Variants in TRIO observed in about 807,000 individuals in gnomAD.
TRIO encodes trio Rho guanine nucleotide exchange factor.
In TRIO, 58 loss-of-function variants were observed where a neutral mutation model predicts 351.9. That is an observed-to-expected ratio of 0.16 (90% CI 0.13 to 0.21). The LOEUF (loss-of-function observed/expected upper bound fraction) is 0.21. TRIO is among the 10% of genes least tolerant of loss of function. The pLI is 1.00. For synonymous variants in TRIO, 1,758 were observed against 1,595.7 expected (o/e 1.10, Z -2.42); for missense variants, 3,201 against 4,027.8 (o/e 0.79, Z 5.56).
chr5:14,462,523 G>A (rs1246540918), intron 35 of TRIO, among the ~76,000 whole-genome samples: 2 of 152,210 alleles, frequency 1.3e-5, no homozygotes, highest in East Asian at 3.8e-4. Context: ...CACATTGGCA[G>A]TCCCTTTATA....
chr5:14,250,873 T>C (rs560910305), intron 1 of TRIO, among the ~76,000 whole-genome samples: 48 of 152,302 alleles, frequency 3.2e-4, no homozygotes, highest in East Asian at 3.9e-4. Flanking sequence ...ATTTTCTCAC[T>C]GAATTCTCCA....
At chr5:14,180,723 A>G (rs868373332) in intron 1 of TRIO, among the ~76,000 whole-genome samples, 1 of 152,126 alleles carries the variant, frequency 6.6e-6, no homozygotes, top group Admixed American at 6.6e-5. Context: ...CTAGCTACTC[A>G]GGAGGCTGAG....
chr5:14,303,849 G>A (rs1262575662), intron 7 of TRIO, among the ~76,000 whole-genome samples: 2 of 152,216 alleles, frequency 1.3e-5, no homozygotes, highest in Non-Finnish European at 2.9e-5. Flanking sequence ...AAGATTCACA[G>A]AGAAGTTCAG....
intron 1 of TRIO, among the ~76,000 whole-genome samples, chr5:14,236,185 C>T (rs971233739): frequency 1.3e-5 from 2 of 152,064 alleles, no homozygotes; most frequent in African/African-American, 4.8e-5. Flanking sequence ...CCCACCCCAC[C>T]CCCAGAACAT....
At position 14,461,233 on chromosome 5, in the gene TRIO, C is replaced by T. The variant is rs1383216286; in HGVS notation, c.5418C>T (p.Val1806=). The T allele has an allele frequency of 5.7e-6, 9 of 1,585,592 alleles. No homozygotes were observed. The highest frequency in any genetic ancestry group is 4.3e-6 in the Non-Finnish European group (5 of 1,167,146). ...LAHKHKKSRE[V]RKSADAGSQK... is the part of the protein sequence containing the mutation. ...ACAAGCACAAGAAGAGCCGCGAGGT[C>T]CGCAAGAGCGCCGACGCCGGCTCGC... Residue 1806 remains valine, a synonymous_variant, in exon 35 of 57, where the codon GTC becomes GTT. Coordinates refer to ENST00000344204, the MANE Select transcript of TRIO (RefSeq NM_007118.4).
At chr5:14,467,387 C>T (rs539614757) in intron 37 of TRIO, among the ~76,000 whole-genome samples, 8 of 152,206 alleles carry the variant, frequency 5.3e-5, no homozygotes, top group African/African-American at 1.4e-4. Context: ...TTTGGACTGA[C>T]GTGTCACCCT....
intron 21 of TRIO, among the ~76,000 whole-genome samples, chr5:14,382,924 A>G (rs989233902): frequency 2.6e-5 from 4 of 151,642 alleles, no homozygotes; most frequent in African/African-American, 9.7e-5. Context: ...TATGCACATT[A>G]TATGATCCGT....
chr5:14,421,752 A>G (rs1750182266), intron 34 of TRIO, among the ~76,000 whole-genome samples: 1 of 152,142 alleles, frequency 6.6e-6, no homozygotes, highest in Non-Finnish European at 1.5e-5. Context: ...TGAGGTCCTG[A>G]CCATGTCCAC....
At chr5:14,505,520 GC>G (rs1294043820) in intron 55 of TRIO, among the ~76,000 whole-genome samples, 1 of 152,202 alleles carries the variant, frequency 6.6e-6, no homozygotes, top group Non-Finnish European at 1.5e-5. Flanking sequence ...TTAGCAGGGC[GC>G]CCCCATGGGG....
At chr5:14,174,391 GCT>G (rs1349016226) in intron 1 of TRIO, among the ~76,000 whole-genome samples, 1 of 152,220 alleles carries the variant, frequency 6.6e-6, no homozygotes, top group Non-Finnish European at 1.5e-5. Context: ...CAGCAAAGCT[GCT>G]CCAAGTTTGT....
chr5:14,377,241 G>GTTTTTT (rs1745638311), intron 19 of TRIO, among the ~76,000 whole-genome samples: 1 of 147,724 alleles, frequency 6.8e-6, no homozygotes, highest in Admixed American at 6.7e-5. Flanking sequence ...TTATGGTTTT[G>GTTTTTT]TATTTTTTTT....
At chr5:14,400,917 C>G (rs758837111) in intron 30 of TRIO, 46 bp from the exon 31 acceptor site, 21 of 1,583,246 alleles carry the variant, frequency 1.3e-5, no homozygotes, top group Non-Finnish European at 1.7e-5. Context: ...CTGCATCCTT[C>G]TAGAATTTTA....
Position 14,487,249 on chromosome 5 carries a change from G to A in TRIO, c.6836-215G>A, listed in dbSNP as rs73063521. Among the ~76,000 whole-genome samples the A allele has an allele frequency of 4.3e-3, 651 of 152,168 alleles. 10 individuals are homozygous for A. Among genetic ancestry groups the A allele is most frequent in the African/African-American group, 0.015 (634 of 41,524 alleles). On this transcript the variant is annotated intron_variant, in intron 47 of 56. Transcript: ENST00000344204. ...TGGCCCTTAGTCCGGGATGTGCTGA[G>A]GAATGCGGCCCCTTCCACCCGCTGC...
rs569321929 is a variant in TRIO at position 14,409,662 on chromosome 5, G to A, written c.4959+2990G>A. Among the ~76,000 whole-genome samples the A allele has an allele frequency of 6.0e-4, 91 of 151,990 alleles. 1 individual carries two copies. Among genetic ancestry groups the A allele is most frequent in the South Asian group, 8.3e-4 (4 of 4,802 alleles). On this transcript the variant is annotated intron_variant, in intron 33 of 56. Transcript: ENST00000344204. The stretch of plus-strand genomic sequence containing the variant: ...ATCCTGGCTAACATGGTGAAACCCC[G>A]TCTCTACTAAAAATGTAAAAAATTA...
intron 34 of TRIO, among the ~76,000 whole-genome samples, chr5:14,449,931 T>C (rs1579688264): frequency 6.6e-6 from 1 of 152,240 alleles, no homozygotes; most frequent in Non-Finnish European, 1.5e-5. Context: ...AGAAAGACCT[T>C]TAAAATGAAA....
chr5:14,492,472 T>C (rs1317286918), intron 48 of TRIO, 95 bp from the exon 49 acceptor site: 11 of 1,532,818 alleles, frequency 7.2e-6, no homozygotes, highest in Non-Finnish European at 8.9e-7. Flanking sequence ...CACGGGGTCA[T>C]GGTGCCATGG....
intron 33 of TRIO, 92 bp downstream of exon 33, chr5:14,406,764 A>T (rs1234415596): frequency 7.5e-7 from 1 of 1,333,278 alleles, no homozygotes; most frequent in Non-Finnish European, 1.1e-6. Context: ...ACAGTTTGTC[A>T]TCAACATTTT....
chr5:14,367,044 C>G (rs1419826453), intron 16 of TRIO, 65 bp downstream of exon 16: 1 of 1,599,092 alleles, frequency 6.3e-7, no homozygotes, highest in Non-Finnish European at 8.5e-7. Flanking sequence ...TCCTGAATCC[C>G]CCAACATGGC....
At position 14,286,090 on chromosome 5, in the gene TRIO, C is replaced by CT. The variant is rs576864861; in HGVS notation, c.348-770dup. Reference sequence around the variant, plus strand: ...GATTTAATACAATTAGAAGCTGGCACTTTTTTTTTTTAAGTGCAATAATGT... The same window carrying CT: ...GATTTAATACAATTAGAAGCTGGCACTTTTTTTTTTTTAAGTGCAATAATGT... On this transcript the variant is annotated intron_variant, in intron 3 of 56. Transcript: ENST00000344204. This position sits in a 1 kb window ranked among gnomAD's most constrained non-coding sequence, Gnocchi z 4.4. Among the ~76,000 whole-genome samples, 37 of 147,048 alleles carry CT rather than the reference C, an allele frequency of 2.5e-4. No individual in the cohort carries two copies. Among genetic ancestry groups the CT allele is most frequent in the Middle Eastern group, 3.6e-3 (1 of 280 alleles).
Sources: gnomAD v4.1 joint callset for allele counts (sites outside exome capture counted in the v4.1 genomes callset) on GRCh38, gnomAD v4.1.1 for gene constraint, Gnocchi (gnomAD v3.1) non-coding constraint, MANE v1.5 for transcripts, NCBI Gene and HGNC (gene_info 2026-07-23, HGNC 2026-07-21) for gene names.